Variants in MAP2K2 observed in about 807,000 individuals in gnomAD.
MAP2K2 encodes the protein mitogen-activated protein kinase kinase 2.
MAP2K2 carries 24 observed loss-of-function variants against 43.7 expected under a neutral mutation model. That is an observed-to-expected ratio of 0.55 (90% CI 0.40 to 0.77). The LOEUF (loss-of-function observed/expected upper bound fraction) is 0.77, where lower values mean the gene tolerates loss of function less well. Ranked by LOEUF, MAP2K2 falls within the 30% of genes least tolerant of loss-of-function variation. MAP2K2 has a pLI of 0.00. For synonymous variants in MAP2K2, 244 were observed against 239.7 expected, an observed-to-expected ratio of 1.02 and a Z score of -0.17; for missense variants, 470 against 566.8, an observed-to-expected ratio of 0.83 and a Z score of 1.73.
intron 8 of MAP2K2, among the ~76,000 whole-genome samples, chr19:4,096,157 G>C (rs115776573): frequency 6.6e-6 from 1 of 152,224 alleles, no homozygotes. Flanking sequence ...CCGTGTAAGC[G>C]GTGCCAGCAG....
intron 1 of MAP2K2, 140 bp from the exon 2 acceptor site, chr19:4,117,769 A>G: frequency 1.3e-6 from 1 of 795,580 alleles, no homozygotes; most frequent in Non-Finnish European, 2.1e-6. Context: ...GTAGAAGGAA[A>G]GGATCCATGC....
At position 4,117,937 on chromosome 19, in the gene MAP2K2, TTC is replaced by T. The variant is rs1264375048; in HGVS notation, c.93-310_93-309del. 2.0e-5 allele frequency among the ~76,000 whole-genome samples: 3 copies of T among 152,240 alleles called. No homozygotes were observed. In the East Asian group the frequency reaches 5.8e-4, roughly 29 times the overall value. On this transcript the variant is annotated intron_variant, in intron 1 of 10. Coordinates refer to ENST00000262948, the MANE Select transcript of MAP2K2 (RefSeq NM_030662.4). ...CCCAGGAAGCCTCCGTCTTTTTCTT[TTC>T]TTTTTCTTTTTTTTTTGAGACGGAG... is the stretch of plus-strand genomic sequence containing the variant.
At chr19:4,111,716 G>A (rs1417397244) in intron 2 of MAP2K2, among the ~76,000 whole-genome samples, 4 of 152,230 alleles carry the variant, frequency 2.6e-5, no homozygotes, top group Non-Finnish European at 4.4e-5. Flanking sequence ...CACTCCGGGA[G>A]GCTGAGGTGG....
At position 4,094,928 on chromosome 19, in the gene MAP2K2, G is replaced by A. The variant is rs535478104; in HGVS notation, c.1047-430C>T. ...CACATGGACCGGCCCTGTGGGCAGC[G>A]GGGTGTCCGCAGCTCCTTCCCCGTG... On this transcript the variant is annotated intron_variant, in intron 9 of 10. Transcript: ENST00000262948. 19 of 361,654 alleles carry A rather than the reference G, an allele frequency of 5.3e-5. No individual in the cohort carries two copies. The Admixed American group carries it at 5.8e-4, about 11-fold the overall frequency. 22.4% of individuals were successfully genotyped at this position (361,654 alleles called of 1,614,324 possible).
chr19:4,112,821 C>T (rs1039971467), intron 2 of MAP2K2, among the ~76,000 whole-genome samples: 1 of 152,226 alleles, frequency 6.6e-6, no homozygotes, highest in Non-Finnish European at 1.5e-5. Flanking sequence ...CTCTCCCCTC[C>T]AGCCAGGCTG....
rs886038700 is a variant in MAP2K2 at position 4,099,316 on chromosome 19, G to T, written c.804C>A (p.Pro268=). 1 of 1,608,516 alleles carries T rather than the reference G, an allele frequency of 6.2e-7. No homozygotes were observed. ...CCTCCAGCTCTTTGGCGTCGGGCGG[G>T]GGGATGGGGTACCTTCCGACGGCCA... The part of the protein sequence containing the change: ...VELAVGRYPI[P]PPDAKELEAI... The change falls in exon 7 of 11, where the codon CCC becomes CCA. Residue 268 remains proline, a synonymous_variant. Coordinates refer to ENST00000262948, the MANE Select transcript of MAP2K2 (RefSeq NM_030662.4).
At chr19:4,099,146 G>C in intron 7 of MAP2K2, 55 bp downstream of exon 7, 1 of 1,466,948 alleles carries the variant, frequency 6.8e-7, no homozygotes, top group Non-Finnish European at 9.3e-7. Flanking sequence ...TGGCACAGCA[G>C]GCCCCGCGCA....
chr19:4,113,503 C>A (rs1381676182), intron 2 of MAP2K2, among the ~76,000 whole-genome samples: 1 of 152,096 alleles, frequency 6.6e-6, no homozygotes, highest in Non-Finnish European at 1.5e-5. Context: ...GGGTGTACTG[C>A]CCCACTGGTG....
intron 7 of MAP2K2, among the ~76,000 whole-genome samples, chr19:4,097,905 G>C (rs984947807): frequency 6.6e-6 from 1 of 152,168 alleles, no homozygotes; most frequent in Admixed American, 6.5e-5. Flanking sequence ...TATACCACCT[G>C]AGAGTTGGGA....
chr19:4,098,735 T>G (rs1020698865), intron 7 of MAP2K2, among the ~76,000 whole-genome samples: 1 of 152,176 alleles, frequency 6.6e-6, no homozygotes, highest in African/African-American at 2.4e-5. Flanking sequence ...CCTGTGTGTG[T>G]TGGGGCCGGA....
At chr19:4,116,691 A>G (rs1216602012) in intron 2 of MAP2K2, among the ~76,000 whole-genome samples, 1 of 151,470 alleles carries the variant, frequency 6.6e-6, no homozygotes, top group East Asian at 2.0e-4. Flanking sequence ...AATATAGAGA[A>G]CCGAGGCAGG....
chr19:4,105,430 G>A (rs1011526143), intron 3 of MAP2K2, among the ~76,000 whole-genome samples: 31 of 151,758 alleles, frequency 2.0e-4, no homozygotes, highest in Non-Finnish European at 8.8e-5. Context: ...CACCACACTC[G>A]GCTAATTTTT....
At chr19:4,105,026 T>C (rs1410080964) in intron 3 of MAP2K2, among the ~76,000 whole-genome samples, 1 of 152,146 alleles carries the variant, frequency 6.6e-6, no homozygotes, top group Non-Finnish European at 1.5e-5. Context: ...GATCTCCAGC[T>C]ATAAAGACCA....
intron 7 of MAP2K2, among the ~76,000 whole-genome samples, chr19:4,098,811 C>T (rs2040957890): frequency 6.6e-6 from 1 of 152,280 alleles, no homozygotes; most frequent in African/African-American, 2.4e-5. Context: ...GAAGGCTTGG[C>T]CCGCAGCACA....
At chr19:4,120,968 A>AG (rs2041285398) in intron 1 of MAP2K2, among the ~76,000 whole-genome samples, 1 of 151,948 alleles carries the variant, frequency 6.6e-6, no homozygotes, top group African/African-American at 2.4e-5. Context: ...CAAGCGGGAG[A>AG]GGCCACCAGA....
rs1397050806 is a variant in MAP2K2, at chr19:4,101,194, C to T, written c.580+35G>A. 11 of 1,595,730 alleles carry T rather than the reference C, an allele frequency of 6.9e-6. No homozygotes were observed. The highest frequency in any genetic ancestry group is 8.5e-6 in the Non-Finnish European group (10 of 1,171,882). Reference sequence around the variant, plus strand: ...GGGCGCCCAACAGTTGCCTGCCGGCCCCCGGGGCTCTGGGGAGGGCGGGCT... The same window carrying T: ...GGGCGCCCAACAGTTGCCTGCCGGCTCCCGGGGCTCTGGGGAGGGCGGGCT... On this transcript the variant is annotated intron_variant, in intron 5 of 10. Transcript: ENST00000262948. The surrounding 1 kb of genome is among the most constrained non-coding windows in gnomAD (Gnocchi z 6.3).
intron 3 of MAP2K2, among the ~76,000 whole-genome samples, chr19:4,106,067 A>G (rs1470030923): frequency 1.3e-5 from 2 of 152,194 alleles, no homozygotes; most frequent in African/African-American, 2.4e-5. Flanking sequence ...TACTGGGCTC[A>G]TGGGATTCTC....
intron 2 of MAP2K2, among the ~76,000 whole-genome samples, chr19:4,111,902 G>A (rs1022151032): frequency 4.6e-5 from 7 of 152,116 alleles, no homozygotes; most frequent in African/African-American, 1.2e-4. Context: ...GCAGTGAGCC[G>A]AGATCGCACC....
rs350916 is a variant in MAP2K2 at position 4,094,777 on chromosome 19, G to A, written c.1047-279C>T. The stretch of plus-strand genomic sequence containing the variant: ...CGCCTGGTGGGTCAGAAGCCTGGAC[G>A]CAACCCCAGCTAACTGTCTAATAAA... On this transcript the variant is annotated intron_variant, in intron 9 of 10. Coordinates refer to ENST00000262948, the MANE Select transcript of MAP2K2 (RefSeq NM_030662.4). 244,943 of 515,488 alleles carry A rather than the reference G, an allele frequency of 0.48. 60,235 individuals are homozygous for A. The highest frequency in any genetic ancestry group is 0.63 in the East Asian group (19,494 of 31,176). The allele number at this position is 515,488 out of a possible 1,614,324, so 31.9% of individuals were successfully genotyped here.
Sources: allele counts gnomAD v4.1 joint callset (sites outside exome capture counted in the v4.1 genomes callset), GRCh38; gene constraint gnomAD v4.1.1; non-coding constraint Gnocchi (gnomAD v3.1); transcripts MANE v1.5; gene names NCBI Gene and HGNC (gene_info 2026-07-23, HGNC 2026-07-21).